CHL1: variants seen among roughly 807,000 people sequenced by gnomAD.
CHL1 encodes the protein neural cell adhesion molecule L1-like protein.
A neutral mutation model predicts 141.9 loss-of-function variants in CHL1; 96 were observed. The observed-to-expected ratio is 0.68, with a 90% CI of 0.57 to 0.80. The LOEUF (loss-of-function observed/expected upper bound fraction) is 0.80. CHL1 is among the 30% of genes least tolerant of loss of function. CHL1 has a pLI of 0.00. For missense variants in CHL1, 1,820 were observed against 1,457.2 expected (o/e 1.25, Z -4.05); for synonymous variants, 613 against 502.2 (o/e 1.22, Z -2.95).
chr3:326,568 C>G (rs1005012257), intron 4 of CHL1, among the ~76,000 whole-genome samples: 1 of 151,510 alleles, frequency 6.6e-6, no homozygotes, highest in African/African-American at 2.4e-5. Flanking sequence ...TGATATACTA[C>G]TATCTAGTAT....
intron 2 of CHL1, among the ~76,000 whole-genome samples, chr3:253,500 AGTT>A (rs1172048408): frequency 2.6e-5 from 4 of 152,124 alleles, no homozygotes; most frequent in African/African-American, 9.7e-5. Context: ...CCTTTTCTGT[AGTT>A]TTTGTATGCG....
At chr3:295,397 G>A (rs980770866) in intron 2 of CHL1, among the ~76,000 whole-genome samples, 2 of 152,150 alleles carry the variant, frequency 1.3e-5, no homozygotes, top group African/African-American at 4.8e-5. Flanking sequence ...ATGGCCAAAA[G>A]CACTGAATAG....
intron 5 of CHL1, among the ~76,000 whole-genome samples, chr3:335,925 A>T (rs922086937): frequency 9.9e-5 from 15 of 152,218 alleles, no homozygotes; most frequent in Non-Finnish European, 2.1e-4. Flanking sequence ...ATATTTGAGG[A>T]GTAGCCAAGA....
At chr3:315,826 G>C (rs561043612) in intron 2 of CHL1, among the ~76,000 whole-genome samples, 75 of 152,098 alleles carry the variant, frequency 4.9e-4, no homozygotes, top group African/African-American at 1.7e-3. Context: ...TTAGAACATG[G>C]ACACATATGA....
At chr3:357,182 TG>T (rs1703798011) in intron 11 of CHL1, among the ~76,000 whole-genome samples, 1 of 152,216 alleles carries the variant, frequency 6.6e-6, no homozygotes, top group Non-Finnish European at 1.5e-5. Flanking sequence ...CCAAGCTCGG[TG>T]TTCTGTTCAC....
chr3:338,224 G>A (rs547259270), intron 5 of CHL1, among the ~76,000 whole-genome samples: 13 of 152,288 alleles, frequency 8.5e-5, no homozygotes, highest in Admixed American at 8.5e-4. Flanking sequence ...GTCCAGTCTT[G>A]TTGAAACAAA....
intron 26 of CHL1, 132 bp from the exon 27 acceptor site, chr3:401,494 A>C: frequency 1.7e-6 from 1 of 584,060 alleles, no homozygotes; most frequent in South Asian, 2.2e-5. Flanking sequence ...GCCAGAAAAA[A>C]ATATTGCCTC....
chr3:223,503 T>A (rs1055717940), intron 1 of CHL1, among the ~76,000 whole-genome samples: 6 of 152,214 alleles, frequency 3.9e-5, no homozygotes, highest in Admixed American at 3.9e-4. Flanking sequence ...CAGAAGGTTG[T>A]TGCAATTATT....
intron 22 of CHL1, among the ~76,000 whole-genome samples, 184 bp downstream of exon 22, chr3:391,343 C>A (rs968997634): frequency 6.6e-6 from 1 of 152,094 alleles, no homozygotes; most frequent in Non-Finnish European, 1.5e-5. Context: ...TGATGAAATC[C>A]TGTCTCTATC....
intron 9 of CHL1, 130 bp downstream of exon 9, chr3:344,839 G>T: frequency 4.8e-6 from 4 of 841,590 alleles, no homozygotes; most frequent in Non-Finnish European, 7.1e-6. Flanking sequence ...AATTCTGCCG[G>T]GCACTGCAGA....
At chr3:215,236 T>G (rs753132247) in intron 1 of CHL1, among the ~76,000 whole-genome samples, 1 of 152,138 alleles carries the variant, frequency 6.6e-6, no homozygotes, top group African/African-American at 2.4e-5. Context: ...TCAGCCATAA[T>G]AAGAATGAAA....
At chr3:258,152 G>A (rs1365848623) in intron 2 of CHL1, among the ~76,000 whole-genome samples, 1 of 152,170 alleles carries the variant, frequency 6.6e-6, no homozygotes, top group East Asian at 1.9e-4. Context: ...ACGTTCACTT[G>A]CTCCCCCATG....
chr3:364,240 A>G (rs1704587006), intron 14 of CHL1, among the ~76,000 whole-genome samples: 1 of 151,920 alleles, frequency 6.6e-6, no homozygotes, highest in Non-Finnish European at 1.5e-5. Context: ...GCCCTGAGTA[A>G]ATCAGTGTGC....
At chr3:226,177 T>C (rs976234135) in intron 1 of CHL1, among the ~76,000 whole-genome samples, 1 of 149,912 alleles carries the variant, frequency 6.7e-6, no homozygotes, top group Non-Finnish European at 1.5e-5. Context: ...TGCACCACTA[T>C]GCCCAGCTAA....
intron 16 of CHL1, among the ~76,000 whole-genome samples, chr3:379,256 C>A (rs1014509193): frequency 1.3e-5 from 2 of 151,886 alleles, no homozygotes; most frequent in African/African-American, 4.8e-5. Context: ...CTGTCTCGGG[C>A]GAAACAAATG....
chr3:318,006 C>T (rs1700275762), intron 2 of CHL1, among the ~76,000 whole-genome samples: 1 of 151,672 alleles, frequency 6.6e-6, no homozygotes, highest in Non-Finnish European at 1.5e-5. Context: ...TTTCCAATTC[C>T]CATTTTAAGA....
chr3:198,200 G>T, intron 1 of CHL1: 2 of 173,176 alleles, frequency 1.2e-5, no homozygotes, highest in South Asian at 1.2e-4. Flanking sequence ...CGGAGGGCAG[G>T]TGTGCGTCGG....
chr3:391,083 T>C lies in CHL1; in HGVS notation c.2715T>C (p.His905=). 6.2e-7 allele frequency: 1 copy of C among 1,614,032 alleles called. No homozygotes were observed. Among genetic ancestry groups the C allele is most frequent in the South Asian group, 1.1e-5 (1 of 91,080 alleles). Residue 905 remains histidine (H), a synonymous_variant, in exon 22 of 28, where the codon CAT becomes CAC. Transcript: ENST00000256509. ...CCTTAGATGCCTTTAGTGAATTTCA[T>C]TTAACAGTCTTAGCCTATAACTCTA... ...VPSLDAFSEF[H]LTVLAYNSKG... is the part of the protein sequence containing the mutation.
chr3:364,581 G>A (rs1006591252), intron 14 of CHL1, among the ~76,000 whole-genome samples: 1 of 152,058 alleles, frequency 6.6e-6, no homozygotes, highest in Non-Finnish European at 1.5e-5. Flanking sequence ...ATGCTGTAGT[G>A]TCTATTTTAT....
Sources: gnomAD v4.1 joint callset for allele counts (sites outside exome capture counted in the v4.1 genomes callset) on GRCh38, gnomAD v4.1.1 for gene constraint, MANE v1.5 for transcripts, NCBI Gene and HGNC (gene_info 2026-07-23, HGNC 2026-07-21) for gene names.